Variants in CTNND2 observed in about 807,000 individuals in gnomAD.
The protein encoded by CTNND2 is catenin delta 2.
In CTNND2, 22 loss-of-function variants were observed where a neutral mutation model predicts 144.4. The ratio of observed to expected loss-of-function variants is 0.15; its 90% CI spans 0.11 to 0.22. The LOEUF is 0.22. Ranked by LOEUF, CTNND2 falls within the 10% of genes least tolerant of loss-of-function variation. CTNND2 has a pLI of 1.00. For synonymous variants in CTNND2, 751 were observed against 695.6 expected (o/e 1.08, Z -1.25); for missense variants, 1,353 against 1,618.8 (o/e 0.84, Z 2.82).
In CTNND2 at chr5:11,102,970, ATTTTTTT is replaced by A. The variant is rs778134907; in HGVS notation, c.2464-4229_2464-4223del. Among the ~76,000 whole-genome samples the A allele has an allele frequency of 3.8e-3, 316 of 84,062 alleles. 1 individual carries two copies. The highest frequency in any genetic ancestry group is 5.1e-3 in the Non-Finnish European group (236 of 46,184). 55.1% of individuals were successfully genotyped at this position (84,062 alleles called of 152,430 possible). Reference sequence around the variant, plus strand: ...GCAGGGCTTAAATTCTATTTAAAAGATTTTTTTTTTTTTTTTTTTTTTTTTTTTTGAG... The same window carrying A: ...GCAGGGCTTAAATTCTATTTAAAAGATTTTTTTTTTTTTTTTTTTTTTGAG... On this transcript the variant is annotated intron_variant, in intron 14 of 21. Transcript: ENST00000304623.
At chr5:11,771,804 T>G (rs72734985) in intron 1 of CTNND2, among the ~76,000 whole-genome samples, 7 of 152,250 alleles carry the variant, frequency 4.6e-5, no homozygotes, top group Non-Finnish European at 1.0e-4. Flanking sequence ...CTTTGCTTGC[T>G]TGTTCACTTC....
chr5:11,528,480 CA>C (rs1397486903), intron 3 of CTNND2, among the ~76,000 whole-genome samples: 2 of 152,094 alleles, frequency 1.3e-5, no homozygotes, highest in Admixed American at 1.3e-4. Context: ...ATGGAGTTAT[CA>C]AAAGTCAAAG....
At chr5:11,840,161 A>G (rs1794385901) in intron 1 of CTNND2, among the ~76,000 whole-genome samples, 1 of 152,222 alleles carries the variant, frequency 6.6e-6, no homozygotes, top group Non-Finnish European at 1.5e-5. Flanking sequence ...TAAGCAACCT[A>G]TAAACATAGA....
chr5:11,156,525 T>G (rs1758234648), intron 12 of CTNND2, among the ~76,000 whole-genome samples: 1 of 152,242 alleles, frequency 6.6e-6, no homozygotes, highest in African/African-American at 2.4e-5. Context: ...TGTTTTATTT[T>G]CTTTATATAT....
chr5:11,589,316 A>ACACG (rs1215796926), intron 2 of CTNND2, among the ~76,000 whole-genome samples: 7 of 108,834 alleles, frequency 6.4e-5, no homozygotes, highest in Non-Finnish European at 1.3e-4. Context: ...CACACACGAC[A>ACACG]ACAACAACAA....
intron 1 of CTNND2, among the ~76,000 whole-genome samples, chr5:11,758,642 A>G (rs1789085934): frequency 6.6e-6 from 1 of 152,088 alleles, no homozygotes; most frequent in Non-Finnish European, 1.5e-5. Context: ...TGTGTTTACA[A>G]TTACTTTATG....
intron 18 of CTNND2, among the ~76,000 whole-genome samples, chr5:10,999,266 T>A (rs116112343): frequency 1.3e-5 from 2 of 152,188 alleles, no homozygotes; most frequent in Non-Finnish European, 2.9e-5. Context: ...TCACTCAGAA[T>A]GGCTTGGAGG....
intron 1 of CTNND2, among the ~76,000 whole-genome samples, chr5:11,752,591 G>A (rs1164380718): frequency 2.0e-5 from 3 of 150,582 alleles, no homozygotes; most frequent in Non-Finnish European, 4.4e-5. Flanking sequence ...ATTAGTGTAG[G>A]CTTATAGTAT....
chr5:11,666,373 T>C (rs1783569978), intron 2 of CTNND2, among the ~76,000 whole-genome samples: 1 of 152,148 alleles, frequency 6.6e-6, no homozygotes, highest in Non-Finnish European at 1.5e-5. Context: ...ATGAAATAAA[T>C]ACATTAAGAA....
chr5:11,407,807 T>C (rs752675984), intron 5 of CTNND2, among the ~76,000 whole-genome samples: 2 of 148,948 alleles, frequency 1.3e-5, no homozygotes, highest in African/African-American at 2.4e-5. Flanking sequence ...AGATGAAATC[T>C]GTCAATGTGC....
At chr5:11,678,633 T>C (rs1784285640) in intron 2 of CTNND2, among the ~76,000 whole-genome samples, 1 of 152,230 alleles carries the variant, frequency 6.6e-6, no homozygotes, top group African/African-American at 2.4e-5. Context: ...TGAGGTGCTA[T>C]GTCCATCTCA....
chr5:11,062,121 T>C (rs552894196), intron 16 of CTNND2, among the ~76,000 whole-genome samples: 42 of 152,230 alleles, frequency 2.8e-4, no homozygotes, highest in Admixed American at 3.9e-4. Flanking sequence ...ATTGGTCAAA[T>C]GAATGAATGA....
intron 1 of CTNND2, among the ~76,000 whole-genome samples, chr5:11,754,112 T>G (rs1217162298): frequency 6.6e-6 from 1 of 151,616 alleles, no homozygotes; most frequent in Non-Finnish European, 1.5e-5. Flanking sequence ...ATTTATTCTT[T>G]CAAATAACTA....
At chr5:11,642,181 T>C (rs2126508026) in intron 2 of CTNND2, among the ~76,000 whole-genome samples, 1 of 152,258 alleles carries the variant, frequency 6.6e-6, no homozygotes, top group Admixed American at 6.5e-5. Context: ...CAATATATAT[T>C]GACCACCTAT....
At chr5:11,694,718 G>A (rs1417929706) in intron 2 of CTNND2, among the ~76,000 whole-genome samples, 1 of 152,106 alleles carries the variant, frequency 6.6e-6, no homozygotes, top group East Asian at 1.9e-4. Flanking sequence ...GGAATCCATG[G>A]TACTCATGTA....
At chr5:11,279,143 T>G (rs1336685766) in intron 9 of CTNND2, among the ~76,000 whole-genome samples, 2 of 152,150 alleles carry the variant, frequency 1.3e-5, no homozygotes, top group African/African-American at 4.8e-5. Flanking sequence ...AATACATGAT[T>G]GCTCGGTTCT....
At chr5:11,305,144 T>A (rs1480046680) in intron 9 of CTNND2, among the ~76,000 whole-genome samples, 1 of 152,194 alleles carries the variant, frequency 6.6e-6, no homozygotes, top group Non-Finnish European at 1.5e-5. Context: ...CAAAACATTG[T>A]TCTGAGCGCC....
chr5:11,372,949 G>A (rs1408537427), intron 7 of CTNND2, among the ~76,000 whole-genome samples: 5 of 152,240 alleles, frequency 3.3e-5, no homozygotes, highest in African/African-American at 1.2e-4. Context: ...GATTACAGGT[G>A]TGATCCACTG....
chr5:11,443,265 T>C (rs892640671), intron 3 of CTNND2, among the ~76,000 whole-genome samples: 4 of 136,224 alleles, frequency 2.9e-5, no homozygotes, highest in Non-Finnish European at 6.2e-5. Context: ...GTGTGTGGTG[T>C]GTGTGTGGTA....
Sources: allele counts gnomAD v4.1 joint callset (sites outside exome capture counted in the v4.1 genomes callset), GRCh38; gene constraint gnomAD v4.1.1; transcripts MANE v1.5; gene names NCBI Gene and HGNC (gene_info 2026-07-23, HGNC 2026-07-21).